The following PTPRD variants were observed in gnomAD, a reference collection of about 807,000 sequenced individuals.
PTPRD encodes protein tyrosine phosphatase receptor type D.
A neutral mutation model predicts 214.5 loss-of-function variants in PTPRD; 34 were observed. The ratio of observed to expected loss-of-function variants is 0.16; its 90% CI spans 0.12 to 0.21. PTPRD has a LOEUF of 0.21. PTPRD is among the 10% of genes least tolerant of loss of function. The pLI is 1.00. For synonymous variants in PTPRD, 1,128 were observed against 845.7 expected, an observed-to-expected ratio of 1.33 and a Z score of -5.79; for missense variants, 2,545 against 2,398.7, an observed-to-expected ratio of 1.06 and a Z score of -1.27.
intron 14 of PTPRD, among the ~76,000 whole-genome samples, chr9:8,552,368 G>A (rs1393925735): frequency 2.6e-5 from 4 of 152,336 alleles, no homozygotes; most frequent in Admixed American, 6.5e-5. Context: ...ACGGACCAGC[G>A]TGAGAGAGTT....
chr9:9,862,613 T>C (rs17300850), intron 5 of PTPRD, among the ~76,000 whole-genome samples: 18,493 of 151,714 alleles, frequency 0.12, 1,430 homozygotes, highest in Non-Finnish European at 0.17. Context: ...TAAGAAATAC[T>C]ACTCAGAGGA....
chr9:9,753,486 G>A (rs1174570809), intron 6 of PTPRD, among the ~76,000 whole-genome samples: 2 of 152,034 alleles, frequency 1.3e-5, no homozygotes, highest in African/African-American at 4.8e-5. Flanking sequence ...GGGAGTGACT[G>A]TTCCCTTTGT....
chr9:9,938,103 G>T (rs889525264), intron 5 of PTPRD, among the ~76,000 whole-genome samples: 2 of 152,066 alleles, frequency 1.3e-5, no homozygotes, highest in Non-Finnish European at 2.9e-5. Flanking sequence ...TCGGCCCTCA[G>T]GTGATTACCA....
rs1251314845 is a variant in PTPRD, at chr9:9,613,034, G to A, written c.-286-38253C>T. On this transcript the variant is annotated intron_variant, in intron 7 of 45. Transcript: ENST00000381196. ...TGTTAAAATATAGATTTAGGGTAGG[G>A]CTGGGGCCTAAGCTTCGCCTTCTGA... 2.0e-5 allele frequency among the ~76,000 whole-genome samples: 3 copies of A among 150,072 alleles called. No homozygotes were observed. In the East Asian group the frequency reaches 5.9e-4, roughly 30 times the overall value.
chr9:9,225,644 T>C (rs2099958969), intron 9 of PTPRD, among the ~76,000 whole-genome samples: 1 of 152,026 alleles, frequency 6.6e-6, no homozygotes, highest in Non-Finnish European at 1.5e-5. Flanking sequence ...TGAGACATAA[T>C]CTTTTTCATG....
chr9:9,296,841 C>T (rs2134423302), intron 9 of PTPRD, among the ~76,000 whole-genome samples: 1 of 151,772 alleles, frequency 6.6e-6, no homozygotes, highest in African/African-American at 2.4e-5. Flanking sequence ...TTTTGATTGT[C>T]CTAGAAGGAA....
intron 39 of PTPRD, among the ~76,000 whole-genome samples, chr9:8,348,258 A>T (rs2074421399): frequency 6.6e-6 from 1 of 152,138 alleles, no homozygotes; most frequent in Non-Finnish European, 1.5e-5. Context: ...TATCTTTCTG[A>T]CATGGCTCAT....
intron 3 of PTPRD, among the ~76,000 whole-genome samples, chr9:10,245,476 CA>C (rs2091926629): frequency 6.6e-6 from 1 of 152,138 alleles, no homozygotes; most frequent in Non-Finnish European, 1.5e-5. Context: ...AATTAATACT[CA>C]CTGATGGCCT....
chr9:9,114,998 T>C, intron 10 of PTPRD, among the ~76,000 whole-genome samples: 1 of 152,116 alleles, frequency 6.6e-6, no homozygotes. Context: ...TGTGCGCAGA[T>C]TTTAGAGAGG....
At chr9:10,192,073 G>A (rs1486882518) in intron 3 of PTPRD, among the ~76,000 whole-genome samples, 1 of 152,120 alleles carries the variant, frequency 6.6e-6, no homozygotes, top group Non-Finnish European at 1.5e-5. Context: ...CCTTAGCCAA[G>A]GCCTGTGATA....
intron 2 of PTPRD, among the ~76,000 whole-genome samples, chr9:10,595,944 C>T (rs184692443): frequency 7.5e-4 from 114 of 151,818 alleles, no homozygotes; most frequent in African/African-American, 2.5e-3. Context: ...CTGTCATTGC[C>T]TCCACCCTTT....
chr9:9,725,697 T>C (rs1157308733), intron 7 of PTPRD, among the ~76,000 whole-genome samples: 30 of 152,354 alleles, frequency 2.0e-4, no homozygotes, highest in Non-Finnish European at 1.6e-4. Context: ...CAAATGTGTA[T>C]GTTTATTTTT....
intron 2 of PTPRD, among the ~76,000 whole-genome samples, chr9:10,590,321 C>A (rs1555578028): frequency 6.6e-6 from 1 of 151,924 alleles, no homozygotes; most frequent in Non-Finnish European, 1.5e-5. Flanking sequence ...TAAAAATCAG[C>A]TTAATTGAGG....
At chr9:8,386,467 G>A (rs2087104795) in intron 37 of PTPRD, among the ~76,000 whole-genome samples, 2 of 152,168 alleles carry the variant, frequency 1.3e-5, no homozygotes, top group Admixed American at 6.5e-5. Flanking sequence ...ATTATTTTAA[G>A]AACCTGAGCC....
chr9:9,231,897 C>T (rs1207938118), intron 9 of PTPRD, among the ~76,000 whole-genome samples: 1 of 152,062 alleles, frequency 6.6e-6, no homozygotes, highest in Non-Finnish European at 1.5e-5. Context: ...GATAATCAGG[C>T]ATTTCTTCTC....
intron 5 of PTPRD, among the ~76,000 whole-genome samples, chr9:9,876,085 T>C (rs1377427830): frequency 1.3e-5 from 2 of 152,076 alleles, no homozygotes; most frequent in Admixed American, 6.6e-5. Context: ...GGGAGGAAGA[T>C]GGGCCATGCA....
chr9:8,708,750 T>C (rs1170545721), intron 12 of PTPRD, among the ~76,000 whole-genome samples: 1 of 149,582 alleles, frequency 6.7e-6, no homozygotes, highest in Non-Finnish European at 1.5e-5. Context: ...GGTCTATATA[T>C]TCAAAGGAAA....
chr9:8,841,262 G>C (rs7033402), intron 11 of PTPRD, among the ~76,000 whole-genome samples: 20,278 of 152,204 alleles, frequency 0.13, 1,643 homozygotes, highest in East Asian at 0.23. Flanking sequence ...GTGTCTTCAA[G>C]AGGTGAATGT....
intron 14 of PTPRD, among the ~76,000 whole-genome samples, chr9:8,623,484 T>C (rs2095885041): frequency 6.6e-6 from 1 of 151,912 alleles, no homozygotes; most frequent in South Asian, 2.1e-4. Flanking sequence ...CTTAGCAAGA[T>C]AATTCTGCCT....
Sources: allele counts gnomAD v4.1 joint callset (sites outside exome capture counted in the v4.1 genomes callset), GRCh38; gene constraint gnomAD v4.1.1; transcripts MANE v1.5; gene names NCBI Gene and HGNC (gene_info 2026-07-23, HGNC 2026-07-21).